ZBTB40: variants seen among roughly 807,000 people sequenced by gnomAD.
ZBTB40 encodes the protein zinc finger and BTB domain-containing protein 40.
In ZBTB40, 60 loss-of-function variants were observed where a neutral mutation model predicts 117.5. The observed-to-expected ratio is 0.51, with a 90% CI of 0.41 to 0.63. ZBTB40 has a LOEUF of 0.63. Ranked by LOEUF, ZBTB40 falls within the 30% of genes least tolerant of loss-of-function variation. The probability of loss-of-function intolerance (pLI) is 0.00; values close to 1 mark genes in which losing one functional copy is unlikely to be tolerated. For missense variants in ZBTB40, 1,287 were observed against 1,498.5 expected, an observed-to-expected ratio of 0.86 and a Z score of 2.33; for synonymous variants, 525 against 577.1, an observed-to-expected ratio of 0.91 and a Z score of 1.29.
intron 1 of ZBTB40, among the ~76,000 whole-genome samples, chr1:22,464,825 T>C (rs995014654): frequency 2.0e-5 from 3 of 151,724 alleles, no homozygotes; most frequent in African/African-American, 7.2e-5. Flanking sequence ...ATCGAGAGCA[T>C]TTTCCTACGT....
At chr1:22,501,319 A>G (rs910365366) in intron 3 of ZBTB40, among the ~76,000 whole-genome samples, 173 bp from the exon 4 acceptor site, 2 of 152,214 alleles carry the variant, frequency 1.3e-5, no homozygotes, top group East Asian at 1.9e-4. Context: ...GGGCAGGAGC[A>G]TGGGACCGCA....
intron 1 of ZBTB40, among the ~76,000 whole-genome samples, chr1:22,438,449 G>GC (rs1160807175): frequency 6.6e-6 from 1 of 152,150 alleles, no homozygotes; most frequent in East Asian, 1.9e-4. Context: ...TTGCTTTGAT[G>GC]CTTTATGTAT....
Position 22,511,752 on chromosome 1 carries a change from A to G in ZBTB40, c.2079A>G (p.Lys693=), listed in dbSNP as rs918701715. Residue 693 remains lysine, a synonymous_variant, in exon 11 of 18, where the codon AAA becomes AAG. Coordinates refer to ENST00000375647, the MANE Select transcript of ZBTB40 (RefSeq NM_014870.4). ...SNKFHLEANN[K]EDEKAAKEDS... is the part of the protein sequence containing the mutation. ...AATTTCACCTTGAAGCCAACAACAA[A>G]GAAGATGAAAAGGCAGCCAAAGAAG... 1.2e-6 allele frequency: 2 copies of G among 1,608,626 alleles called. No individual in the cohort carries two copies. Among genetic ancestry groups the G allele is most frequent in the Admixed American group, 1.7e-5 (1 of 58,600 alleles).
chr1:22,501,965 T>C (rs1434425762), intron 4 of ZBTB40, among the ~76,000 whole-genome samples: 2 of 152,196 alleles, frequency 1.3e-5, no homozygotes, highest in African/African-American at 4.8e-5. Context: ...ATGACTTGAG[T>C]ACCCAGGTTG....
intron 1 of ZBTB40, among the ~76,000 whole-genome samples, chr1:22,462,266 A>G (rs562863290): frequency 3.3e-4 from 50 of 152,282 alleles, no homozygotes; most frequent in Non-Finnish European, 5.6e-4. Context: ...GTCAGACAGC[A>G]TGAGTTCACT....
chr1:22,509,586 G>C (rs1237443554), intron 9 of ZBTB40, among the ~76,000 whole-genome samples: 1 of 152,206 alleles, frequency 6.6e-6, no homozygotes, highest in Non-Finnish European at 1.5e-5. Flanking sequence ...GGCCTCAAGT[G>C]ATTCACCCAT....
chr1:22,508,404 G>C, intron 7 of ZBTB40, 126 bp from the exon 8 acceptor site: 1 of 1,156,052 alleles, frequency 8.7e-7, no homozygotes, highest in South Asian at 1.3e-5. Context: ...AGACTGAGAG[G>C]TGAGGATGTT....
Position 22,508,124 on chromosome 1 carries a change from C to G in ZBTB40, c.1484C>G (p.Pro495Arg). The change falls in exon 7 of 18, where the codon CCT (proline) becomes CGT (arginine). Residue 495 changes from proline to arginine, a missense_variant. Transcript: ENST00000375647. ...ATCTCACACATGACAAGTTTAGCCCCTGGAGAAAGAGAGGTAAGAGAGGGA... is the reference window on the plus strand; with the variant it reads ...ATCTCACACATGACAAGTTTAGCCCGTGGAGAAAGAGAGGTAAGAGAGGGA... ...KMISHMTSLAPGEREVMEKLV... is the reference protein window; with the variant it reads ...KMISHMTSLARGEREVMEKLV... 1.9e-6 allele frequency: 3 copies of G among 1,613,690 alleles called. No homozygotes were observed. The highest frequency in any genetic ancestry group is 2.2e-5 in the South Asian group (2 of 91,062).
At position 22,490,158 on chromosome 1, in the gene ZBTB40, G is replaced by A. The variant is rs1022732665; in HGVS notation, c.210G>A (p.Glu70=). 8 of 1,614,030 alleles carry A rather than the reference G, an allele frequency of 5.0e-6. No individual in the cohort carries two copies. Among genetic ancestry groups the A allele is most frequent in the Non-Finnish European group, 6.8e-6 (8 of 1,180,020 alleles). ...SIDASVVSPE[E]FALLLEMMYT... is the part of the protein sequence containing the mutation. The stretch of plus-strand genomic sequence containing the variant: ...ATGCATCTGTGGTGAGCCCCGAGGA[G>A]TTTGCGCTCTTGTTGGAAATGATGT... Residue 70 remains glutamate, a synonymous_variant, in exon 2 of 18, where the codon GAG becomes GAA. Coordinates refer to ENST00000375647, the MANE Select transcript of ZBTB40 (RefSeq NM_014870.4).
chr1:22,489,962 A>G lies in ZBTB40; in HGVS notation c.14A>G (p.Asn5Ser), dbSNP rs376702719. 30 of 1,611,944 alleles carry G rather than the reference A, an allele frequency of 1.9e-5. No homozygotes were observed. The highest frequency in any genetic ancestry group is 9.3e-5 in the African/African-American group (7 of 74,872). MELP[N>S]YSRQLLQQLY... Reference sequence around the variant, plus strand: ...AGAGTTGACGCAATGGAGCTCCCCAACTACAGCCGGCAGCTGCTGCAGCAG... The same window carrying G: ...AGAGTTGACGCAATGGAGCTCCCCAGCTACAGCCGGCAGCTGCTGCAGCAG... Residue 5 changes from asparagine to serine, a missense_variant, in exon 2 of 18, where the codon AAC becomes AGC. Physicochemically the swap from Asn to Ser is conservative, Grantham distance 46. Coordinates refer to ENST00000375647, the MANE Select transcript of ZBTB40 (RefSeq NM_014870.4).
At chr1:22,498,087 AG>A (rs1394595154) in intron 3 of ZBTB40, among the ~76,000 whole-genome samples, 7 of 152,198 alleles carry the variant, frequency 4.6e-5, no homozygotes, top group Admixed American at 4.6e-4. Context: ...TCACTTATAG[AG>A]GGAAAAGAAA....
rs989568316 is a variant in ZBTB40, at chr1:22,528,654, G to A, written c.*2258G>A. 6.6e-6 allele frequency: 1 copy of A among 151,884 alleles called. No homozygotes were observed. Among genetic ancestry groups the A allele is most frequent in the Non-Finnish European group, 1.5e-5 (1 of 67,996 alleles). The allele number at this position is 151,884 out of a possible 1,614,324, so 9.4% of individuals were successfully genotyped here. Reference sequence around the variant, plus strand: ...CAATCCTCCTGCCACAGCTTCCCAAGTAGCTGGGACCACAGGCGTGAGCCA... The same window carrying A: ...CAATCCTCCTGCCACAGCTTCCCAAATAGCTGGGACCACAGGCGTGAGCCA... On this transcript the variant is annotated 3_prime_UTR_variant, in exon 18 of 18. Transcript: ENST00000375647.
chr1:22,432,078 ACT>A (rs899172896), intron 1 of ZBTB40, among the ~76,000 whole-genome samples: 9 of 152,046 alleles, frequency 5.9e-5, no homozygotes, highest in African/African-American at 2.2e-4. Context: ...CTGGGGGTAG[ACT>A]CTGAACATTA....
chr1:22,451,296 A>C (rs1640863148), upstream of ZBTB40, among the ~76,000 whole-genome samples: 1 of 152,124 alleles, frequency 6.6e-6, no homozygotes, highest in Admixed American at 6.5e-5. Flanking sequence ...TTTTGTGTTC[A>C]CTTCCTTGCC....
Position 22,511,326 on chromosome 1 carries a change from A to G in ZBTB40, c.1981A>G (p.Met661Val). The G allele has an allele frequency of 1.2e-6, 2 of 1,614,120 alleles. No individual in the cohort carries two copies. Among genetic ancestry groups the G allele is most frequent in the East Asian group, 4.5e-5 (2 of 44,874 alleles). ...HKSFPGLQPV[M>V]QELAYIGVLT... is the part of the protein sequence containing the mutation. ...ATCTTTTCCAGGCCTGCAGCCTGTC[A>G]TGCAGGAGTTGGCATACATTGGTAA... is the stretch of plus-strand genomic sequence containing the variant. Residue 661 changes from methionine (M) to valine (V), a missense_variant, in exon 10 of 18, where the codon ATG becomes GTG. Met to Val is a conservative substitution (Grantham distance 21). Coordinates refer to ENST00000375647, the MANE Select transcript of ZBTB40 (RefSeq NM_014870.4).
chr1:22,463,456 T>C (rs1641180660), intron 1 of ZBTB40, among the ~76,000 whole-genome samples: 1 of 152,232 alleles, frequency 6.6e-6, no homozygotes, highest in African/African-American at 2.4e-5. Context: ...GCAAAATGCC[T>C]TTCAGTACCA....
At chr1:22,511,023 T>G (rs958531757) in intron 9 of ZBTB40, among the ~76,000 whole-genome samples, 156 bp from the exon 10 acceptor site, 5 of 152,192 alleles carry the variant, frequency 3.3e-5, no homozygotes, top group Non-Finnish European at 7.3e-5. Context: ...CAAACAGAGC[T>G]GTCCACTACA....
chr1:22,524,480 A>G (rs775421998), intron 17 of ZBTB40, 36 bp downstream of exon 17: 1 of 1,602,710 alleles, frequency 6.2e-7, no homozygotes, highest in Non-Finnish European at 8.5e-7. Flanking sequence ...TAGAATGCTA[A>G]TGCATGGTTC....
At chr1:22,435,811 T>G (rs900351220) in intron 1 of ZBTB40, among the ~76,000 whole-genome samples, 9 of 151,992 alleles carry the variant, frequency 5.9e-5, no homozygotes, top group African/African-American at 2.2e-4. Flanking sequence ...TACATACATA[T>G]GACAAAGGAC....
Sources: allele counts gnomAD v4.1 joint callset (sites outside exome capture counted in the v4.1 genomes callset), GRCh38; gene constraint gnomAD v4.1.1; transcripts MANE v1.5; gene names NCBI Gene and HGNC (gene_info 2026-07-23, HGNC 2026-07-21).